The following CNTNAP5 variants were observed in gnomAD, a reference collection of about 807,000 sequenced individuals.
CNTNAP5 encodes contactin associated protein family member 5.
CNTNAP5 carries 72 observed loss-of-function variants against 150.2 expected under a neutral mutation model. The ratio of observed to expected loss-of-function variants is 0.48; its 90% CI spans 0.40 to 0.58. The LOEUF is 0.58. CNTNAP5 is among the 20% of genes least tolerant of loss of function. The probability of loss-of-function intolerance (pLI) is 0.00; values close to 1 mark genes in which losing one functional copy is unlikely to be tolerated. For missense variants in CNTNAP5, 1,636 were observed against 1,626.2 expected (o/e 1.01, Z -0.10); for synonymous variants, 672 against 619.8 (o/e 1.08, Z -1.25).
chr2:124,390,842 T>C (rs1691091924), intron 3 of CNTNAP5, among the ~76,000 whole-genome samples: 1 of 152,204 alleles, frequency 6.6e-6, no homozygotes, highest in Non-Finnish European at 1.5e-5. Context: ...GGCTCAACAA[T>C]ATTTTTGTAC....
chr2:124,428,929 G>C (rs1439740059), intron 4 of CNTNAP5, among the ~76,000 whole-genome samples: 1 of 152,114 alleles, frequency 6.6e-6, no homozygotes. Context: ...CTGCCATAAA[G>C]AGCCCATGTC....
intron 19 of CNTNAP5, among the ~76,000 whole-genome samples, chr2:124,842,580 AT>A (rs1168782649): frequency 6.6e-6 from 1 of 152,176 alleles, no homozygotes; most frequent in Non-Finnish European, 1.5e-5. Flanking sequence ...ATGCAAATGC[AT>A]TTTGAGTTAA....
chr2:124,410,983 C>G (rs1021509727), intron 3 of CNTNAP5, among the ~76,000 whole-genome samples: 1 of 151,638 alleles, frequency 6.6e-6, no homozygotes, highest in Non-Finnish European at 1.5e-5. Context: ...AGACCGCTAG[C>G]AGGACTAATA....
At chr2:124,259,082 C>T (rs1408209940) in intron 3 of CNTNAP5, among the ~76,000 whole-genome samples, 1 of 146,032 alleles carries the variant, frequency 6.8e-6, no homozygotes, top group Non-Finnish European at 1.5e-5. Context: ...TGTTGAATTC[C>T]CACCTATGAG....
chr2:124,388,458 G>C (rs2104745613), intron 3 of CNTNAP5, among the ~76,000 whole-genome samples: 1 of 152,286 alleles, frequency 6.6e-6, no homozygotes, highest in Middle Eastern at 3.4e-3. Flanking sequence ...CCCATATTTA[G>C]CAAAAGCCTT....
At chr2:124,771,598 C>A (rs1258770195) in intron 16 of CNTNAP5, among the ~76,000 whole-genome samples, 3 of 152,112 alleles carry the variant, frequency 2.0e-5, no homozygotes, top group South Asian at 2.1e-4. Context: ...TAGCATGGTG[C>A]CTGGCATAGA....
In CNTNAP5 at chr2:124,431,562, CTTTATATAAA is replaced by C. The variant is rs1558899233; in HGVS notation, c.530-2921_530-2912del. ...TTTATATAAATATTATATATAATTTCTTTATATAAACATTATATATAATTTCTTTATATAA... is the reference window on the plus strand; with the variant it reads ...TTTATATAAATATTATATATAATTTCCATTATATATAATTTCTTTATATAA... On this transcript the variant is annotated intron_variant, in intron 4 of 23. Transcript: ENST00000682447. Among the ~76,000 whole-genome samples the C allele has an allele frequency of 4.1e-3, 578 of 140,264 alleles. 8 individuals are homozygous for C. Among genetic ancestry groups the C allele is most frequent in the African/African-American group, 0.014 (541 of 38,216 alleles). The allele number at this position is 140,264 out of a possible 152,430, so 92.0% of individuals were successfully genotyped here. A position where few individuals can be genotyped will look rare whatever the true frequency, so the allele number is the denominator to read the frequency against.
At chr2:124,639,901 G>C (rs1317889151) in intron 12 of CNTNAP5, among the ~76,000 whole-genome samples, 2 of 152,050 alleles carry the variant, frequency 1.3e-5, no homozygotes, top group Admixed American at 6.5e-5. Context: ...AATACACTGA[G>C]TATGGGGGGA....
At chr2:124,271,113 C>T (rs1054517312) in intron 3 of CNTNAP5, among the ~76,000 whole-genome samples, 6 of 151,058 alleles carry the variant, frequency 4.0e-5, no homozygotes, top group Non-Finnish European at 5.9e-5. Context: ...ATGAATGTTT[C>T]GATGTGAAAA....
chr2:124,808,977 A>G (rs1682142283), intron 19 of CNTNAP5, among the ~76,000 whole-genome samples: 1 of 151,398 alleles, frequency 6.6e-6, no homozygotes, highest in South Asian at 2.1e-4. Flanking sequence ...TTATGGTAAG[A>G]CTTTTTTTTT....
chr2:124,171,673 G>A (rs1439825754), intron 1 of CNTNAP5, among the ~76,000 whole-genome samples: 1 of 152,160 alleles, frequency 6.6e-6, no homozygotes, highest in African/African-American at 2.4e-5. Flanking sequence ...TAGAGCAAAG[G>A]GCAAGGTGTC....
At chr2:124,903,449 A>T (rs1317625426) in intron 22 of CNTNAP5, among the ~76,000 whole-genome samples, 2 of 152,172 alleles carry the variant, frequency 1.3e-5, no homozygotes, top group African/African-American at 4.8e-5. Context: ...ACAGGGAGGC[A>T]GCAAGCTGGT....
intron 19 of CNTNAP5, among the ~76,000 whole-genome samples, chr2:124,842,626 G>A (rs751049073): frequency 3.9e-5 from 6 of 152,116 alleles, no homozygotes; most frequent in Non-Finnish European, 4.4e-5. Flanking sequence ...TTGTGCAAAC[G>A]TAAACAGAAG....
chr2:124,191,777 T>A (rs1205611423), intron 1 of CNTNAP5, among the ~76,000 whole-genome samples: 1 of 151,902 alleles, frequency 6.6e-6, no homozygotes, highest in Non-Finnish European at 1.5e-5. Context: ...TAGCTGGGCA[T>A]GGTGGCTCAC....
At chr2:124,694,423 G>T (rs1048681613) in intron 13 of CNTNAP5, among the ~76,000 whole-genome samples, 1 of 152,068 alleles carries the variant, frequency 6.6e-6, no homozygotes, top group Non-Finnish European at 1.5e-5. Flanking sequence ...TGAGCACCAG[G>T]CTCTTTTCTA....
intron 12 of CNTNAP5, among the ~76,000 whole-genome samples, chr2:124,645,025 G>T (rs1678175279): frequency 6.6e-6 from 1 of 152,100 alleles, no homozygotes; most frequent in Non-Finnish European, 1.5e-5. Context: ...ATTAGACAGG[G>T]TTTTCCTTGT....
chr2:124,757,021 TGCCA>T (rs1314460811), intron 14 of CNTNAP5, among the ~76,000 whole-genome samples: 1 of 152,194 alleles, frequency 6.6e-6, no homozygotes, highest in Non-Finnish European at 1.5e-5. Context: ...AGTAATAGCA[TGCCA>T]GCACAAATTT....
At chr2:124,866,755 G>T (rs1677640438) in intron 20 of CNTNAP5, among the ~76,000 whole-genome samples, 1 of 152,034 alleles carries the variant, frequency 6.6e-6, no homozygotes, top group African/African-American at 2.4e-5. Context: ...TTAAAATCAT[G>T]ACCCTCAGCA....
intron 3 of CNTNAP5, among the ~76,000 whole-genome samples, chr2:124,260,806 C>T (rs1687433940): frequency 6.6e-6 from 1 of 152,096 alleles, no homozygotes; most frequent in African/African-American, 2.4e-5. Flanking sequence ...AAATACCATC[C>T]AATGCAAAAT....
Sources: allele counts gnomAD v4.1 joint callset (sites outside exome capture counted in the v4.1 genomes callset), GRCh38; gene constraint gnomAD v4.1.1; transcripts MANE v1.5; gene names NCBI Gene and HGNC (gene_info 2026-07-23, HGNC 2026-07-21).